NUCKS1: variants seen among roughly 807,000 people sequenced by gnomAD.
NUCKS1 encodes nuclear casein kinase and cyclin dependent kinase substrate 1.
In NUCKS1, 2 loss-of-function variants were observed where a neutral mutation model predicts 33.0. The observed-to-expected ratio is 0.06, with a 90% CI of 0.02 to 0.19. The LOEUF (loss-of-function observed/expected upper bound fraction) is 0.19. Ranked by LOEUF, NUCKS1 falls within the 10% of genes least tolerant of loss-of-function variation. NUCKS1 has a pLI of 1.00. For missense variants in NUCKS1, 201 were observed against 293.6 expected, an observed-to-expected ratio of 0.68 and a Z score of 2.31; for synonymous variants, 106 against 102.8, an observed-to-expected ratio of 1.03 and a Z score of -0.19.
chr1:205,733,087 T>G (rs1375218188), intron 1 of NUCKS1, among the ~76,000 whole-genome samples: 1 of 152,250 alleles, frequency 6.6e-6, no homozygotes, highest in East Asian at 1.9e-4. Flanking sequence ...CTCTAATAAT[T>G]AAAATACAGG....
intron 1 of NUCKS1, among the ~76,000 whole-genome samples, chr1:205,743,535 C>T (rs1654234197): frequency 6.6e-6 from 1 of 152,184 alleles, no homozygotes. Context: ...TTAAGTTTTA[C>T]AATAGGCGTT....
At chr1:205,743,405 G>A (rs1654230840) in intron 1 of NUCKS1, among the ~76,000 whole-genome samples, 1 of 152,130 alleles carries the variant, frequency 6.6e-6, no homozygotes, top group South Asian at 2.1e-4. Context: ...TTCTTTTGTT[G>A]TGCCAGGATT....
Position 205,713,018 on chromosome 1 carries a change from C to T in NUCKS1, c.*5262G>A, listed in dbSNP as rs906744806. ...CATCCTGAGGTATTAACTTTTGAACCAAGACATGTTTATCTTTTACCAACA... is the reference window on the plus strand; with the variant it reads ...CATCCTGAGGTATTAACTTTTGAACTAAGACATGTTTATCTTTTACCAACA... On this transcript the variant is annotated 3_prime_UTR_variant, in exon 7 of 7. Coordinates refer to ENST00000367142, the MANE Select transcript of NUCKS1 (RefSeq NM_022731.5). The T allele has an allele frequency of 1.3e-5, 2 of 152,080 alleles. No homozygotes were observed. Among genetic ancestry groups the T allele is most frequent in the Non-Finnish European group, 2.9e-5 (2 of 68,022 alleles). The allele number at this position is 152,080 out of a possible 1,614,324, so 9.4% of individuals were successfully genotyped here.
In NUCKS1 at chr1:205,718,085, T is replaced by TAAA. The variant is rs78311899; in HGVS notation, c.*192_*194dup. The TAAA allele has an allele frequency of 1.5e-4, 158 of 1,020,232 alleles. No homozygotes were observed. The East Asian group carries it at 1.8e-3, about 12-fold the overall frequency. 63.2% of individuals were successfully genotyped at this position (1,020,232 alleles called of 1,614,324 possible). On this transcript the variant is annotated 3_prime_UTR_variant, in exon 7 of 7. Transcript: ENST00000367142. ...CACTTACACATACAATGGTTTGCTTTAAAAAAAAAAAAAAAAAAAGAGAGA... is the reference window on the plus strand; with the variant it reads ...CACTTACACATACAATGGTTTGCTTTAAAAAAAAAAAAAAAAAAAAAAGAGAGA...
rs796387295 is a variant in NUCKS1 at position 205,741,130 on chromosome 1, C to A, written c.17+8827G>T. Among the ~76,000 whole-genome samples, 13 of 151,000 alleles carry A rather than the reference C, an allele frequency of 8.6e-5. 1 individual carries two copies. Among genetic ancestry groups the A allele is most frequent in the African/African-American group, 3.2e-4 (13 of 41,268 alleles). On this transcript the variant is annotated intron_variant, in intron 1 of 6. Coordinates refer to ENST00000367142, the MANE Select transcript of NUCKS1 (RefSeq NM_022731.5). ...CCTGGCTAACACGGTGAAAGCCCGT[C>A]TCTACTAAAAATACAAAAAATTAGC...
intron 1 of NUCKS1, among the ~76,000 whole-genome samples, chr1:205,732,131 G>C (rs1295070477): frequency 6.6e-6 from 1 of 152,076 alleles, no homozygotes; most frequent in African/African-American, 2.4e-5. Context: ...TACATACTCA[G>C]CATTAGAAAG....
rs1284384664 is a variant in NUCKS1, at chr1:205,716,872, A to G, written c.*1408T>C. On this transcript the variant is annotated 3_prime_UTR_variant, in exon 7 of 7. Coordinates refer to ENST00000367142, the MANE Select transcript of NUCKS1 (RefSeq NM_022731.5). ...TTTCAACTGCACACAGGCCTCCTAAAATGCCTTGTTTCTCTAGTCCCTCCT... is the reference window on the plus strand; with the variant it reads ...TTTCAACTGCACACAGGCCTCCTAAGATGCCTTGTTTCTCTAGTCCCTCCT... The G allele has an allele frequency of 6.6e-6, 1 of 152,170 alleles. No individual in the cohort carries two copies. The highest frequency in any genetic ancestry group is 1.5e-5 in the Non-Finnish European group (1 of 68,042). The allele number at this position is 152,170 out of a possible 1,614,324, so 9.4% of individuals were successfully genotyped here.
chr1:205,719,878 G>T (rs1474718254), intron 5 of NUCKS1, among the ~76,000 whole-genome samples: 1 of 152,198 alleles, frequency 6.6e-6, no homozygotes, highest in Admixed American at 6.5e-5. Flanking sequence ...CCTTACATGA[G>T]AGAGTTACAT....
chr1:205,737,724 C>CT, intron 1 of NUCKS1, among the ~76,000 whole-genome samples: 1 of 152,294 alleles, frequency 6.6e-6, no homozygotes, highest in African/African-American at 2.4e-5. Context: ...GCAGTAAACA[C>CT]TTTTTGTTCA....
intron 4 of NUCKS1, among the ~76,000 whole-genome samples, chr1:205,723,609 C>T (rs180713147): frequency 2.6e-5 from 4 of 152,074 alleles, no homozygotes; most frequent in Admixed American, 2.0e-4. Flanking sequence ...CTTTTGTTTA[C>T]GTAAATGATT....
intron 1 of NUCKS1, among the ~76,000 whole-genome samples, chr1:205,749,707 G>C (rs892540071): frequency 2.6e-5 from 4 of 151,686 alleles, no homozygotes; most frequent in Admixed American, 6.6e-5. Flanking sequence ...GCGGTGGGTG[G>C]GGGAGGCAGC....
At chr1:205,720,380 TATC>T in intron 5 of NUCKS1, 118 bp downstream of exon 5, 1 of 909,142 alleles carries the variant, frequency 1.1e-6, no homozygotes, top group Non-Finnish European at 1.7e-6. Context: ...TAACACGGAG[TATC>T]TACCCAATTT....
rs2102426217 is a variant in NUCKS1 at position 205,714,875 on chromosome 1, CA to C, written c.*3404del. ...TCAGTGCAGCTACCAATGATGCAGG[CA>C]AAGAACTGTTCAAGCCAGCACTCAT... On this transcript the variant is annotated 3_prime_UTR_variant, in exon 7 of 7. Coordinates refer to ENST00000367142, the MANE Select transcript of NUCKS1 (RefSeq NM_022731.5). 6.6e-6 allele frequency: 1 copy of C among 152,210 alleles called. No individual in the cohort carries two copies. Among genetic ancestry groups the C allele is most frequent in the South Asian group, 2.1e-4 (1 of 4,826 alleles). The allele number at this position is 152,210 out of a possible 1,614,324, so 9.4% of individuals were successfully genotyped here.
At chr1:205,749,345 A>C (rs1328856609) in intron 1 of NUCKS1, among the ~76,000 whole-genome samples, 1 of 152,166 alleles carries the variant, frequency 6.6e-6, no homozygotes, top group African/African-American at 2.4e-5. Flanking sequence ...GGGGAAAAAA[A>C]CGGGTCCCGC....
chr1:205,723,779 A>G (rs1671959787), intron 4 of NUCKS1, 147 bp downstream of exon 4: 2 of 599,116 alleles, frequency 3.3e-6, no homozygotes, highest in African/African-American at 1.9e-5. Flanking sequence ...ACCAGGACTG[A>G]CAATCATTAG....
rs1035092570 is a variant in NUCKS1 at position 205,714,748 on chromosome 1, C to T, written c.*3532G>A. The T allele has an allele frequency of 6.6e-6, 1 of 152,150 alleles. No individual in the cohort carries two copies. Among genetic ancestry groups the T allele is most frequent in the South Asian group, 2.1e-4 (1 of 4,822 alleles). 9.4% of individuals were successfully genotyped at this position (152,150 alleles called of 1,614,324 possible). A position where few individuals can be genotyped will look rare whatever the true frequency, so the allele number is the denominator to read the frequency against. On this transcript the variant is annotated 3_prime_UTR_variant, in exon 7 of 7. Transcript: ENST00000367142. ...TTTCCCTATCCTATGGCAGGAAATGCGTATTACTTCTGTTCTGTTTAAGCA... is the reference window on the plus strand; with the variant it reads ...TTTCCCTATCCTATGGCAGGAAATGTGTATTACTTCTGTTCTGTTTAAGCA...
At chr1:205,725,191 CTGTT>C (rs1653719188) in intron 3 of NUCKS1, among the ~76,000 whole-genome samples, 1 of 152,132 alleles carries the variant, frequency 6.6e-6, no homozygotes, top group Non-Finnish European at 1.5e-5. Flanking sequence ...ACCTAGTAGT[CTGTT>C]TGTCATTAGT....
At chr1:205,735,944 ATC>A (rs1160953779) in intron 1 of NUCKS1, among the ~76,000 whole-genome samples, 4 of 151,732 alleles carry the variant, frequency 2.6e-5, no homozygotes, top group African/African-American at 9.7e-5. Context: ...ATACCAAAAT[ATC>A]TCTTTTTTTT....
intron 1 of NUCKS1, among the ~76,000 whole-genome samples, chr1:205,741,980 G>A (rs1270793572): frequency 2.0e-5 from 3 of 152,150 alleles, no homozygotes; most frequent in African/African-American, 7.2e-5. Context: ...TGATTTTATA[G>A]AACCAAGTTT....
Sources: gnomAD v4.1 joint callset for allele counts (sites outside exome capture counted in the v4.1 genomes callset) on GRCh38, gnomAD v4.1.1 for gene constraint, MANE v1.5 for transcripts, NCBI Gene and HGNC (gene_info 2026-07-23, HGNC 2026-07-21) for gene names.